The following CECR2 variants were observed in gnomAD, a reference collection of about 807,000 sequenced individuals.
CECR2 encodes chromatin remodeling regulator CECR2.
A neutral mutation model predicts 154.5 loss-of-function variants in CECR2; 30 were observed. The ratio of observed to expected loss-of-function variants is 0.19; its 90% confidence interval spans 0.15 to 0.26. The LOEUF (loss-of-function observed/expected upper bound fraction) is 0.26. Among genes scored for constraint, CECR2 ranks in the 10% least tolerant of loss-of-function variants. The probability of loss-of-function intolerance (pLI) is 1.00; values close to 1 mark genes in which losing one functional copy is unlikely to be tolerated. For missense variants in CECR2, 1,743 were observed against 1,829.3 expected (o/e 0.95, Z 0.86); for synonymous variants, 725 against 683.7 (o/e 1.06, Z -0.94).
intron 3 of CECR2, among the ~76,000 whole-genome samples, chr22:17,498,163 G>A (rs544193662): frequency 6.6e-6 from 1 of 152,296 alleles, no homozygotes; most frequent in Admixed American, 6.5e-5. Context: ...GGCCAAGGCA[G>A]GCAGATCACG....
chr22:17,537,270 T>C, intron 10 of CECR2, 38 bp downstream of exon 10: 1 of 1,610,320 alleles, frequency 6.2e-7, no homozygotes, highest in Non-Finnish European at 8.5e-7. Flanking sequence ...CAGTAGCAAC[T>C]GGTAGCATTT....
At chr22:17,406,249 G>A (rs1046642885) in intron 1 of CECR2, among the ~76,000 whole-genome samples, 4 of 152,160 alleles carry the variant, frequency 2.6e-5, no homozygotes, top group African/African-American at 9.7e-5. Context: ...GACCGGGCAT[G>A]GTGGCTCACG....
At chr22:17,425,491 A>ACT (rs2054316531) in intron 1 of CECR2, among the ~76,000 whole-genome samples, 1 of 152,218 alleles carries the variant, frequency 6.6e-6, no homozygotes. Flanking sequence ...AGATAACTAA[A>ACT]CTACTATATG....
intron 1 of CECR2, among the ~76,000 whole-genome samples, chr22:17,403,722 C>T (rs776286367): frequency 6.6e-6 from 1 of 152,158 alleles, no homozygotes; most frequent in African/African-American, 2.4e-5. Flanking sequence ...GTATTCTGCT[C>T]ATTTTAAAAT....
chr22:17,469,814 C>T (rs529942483), intron 1 of CECR2, among the ~76,000 whole-genome samples: 4 of 152,346 alleles, frequency 2.6e-5, no homozygotes, highest in East Asian at 3.9e-4. Context: ...TGCATGCCTG[C>T]TGGCATTTCA....
rs1345818564 is a variant in CECR2 at position 17,555,149 on chromosome 22, C to T, written c.*2309C>T. ...TGGTCCTTGAGCAGTTGTGTGCACA[C>T]TCTTCCAGGTAATCCTGTCTCCTCT... On this transcript the variant is annotated 3_prime_UTR_variant, in exon 19 of 19. Transcript: ENST00000262608. 1.3e-5 allele frequency: 2 copies of T among 152,324 alleles called. No homozygotes were observed. Among genetic ancestry groups the T allele is most frequent in the East Asian group, 3.9e-4 (2 of 5,190 alleles). The allele number at this position is 152,324 out of a possible 1,614,324, so 9.4% of individuals were successfully genotyped here.
intron 8 of CECR2, among the ~76,000 whole-genome samples, chr22:17,517,533 A>C (rs569552407): frequency 2.6e-5 from 4 of 152,364 alleles, no homozygotes; most frequent in African/African-American, 9.6e-5. Context: ...AGGCATTACA[A>C]TGAATCCCAC....
chr22:17,555,688 T>C lies in CECR2; in HGVS notation c.*2848T>C, dbSNP rs1250796169. 1 of 152,226 alleles carries C rather than the reference T, an allele frequency of 6.6e-6. No homozygotes were observed. 9.4% of individuals were successfully genotyped at this position (152,226 alleles called of 1,614,324 possible). On this transcript the variant is annotated 3_prime_UTR_variant, in exon 19 of 19. Coordinates refer to ENST00000262608, the MANE Select transcript of CECR2 (RefSeq NM_001290047.2). ...TTCTCCATTAGGAAAATGATGGTTA[T>C]GTGATATGTTATATTTAGGAAGTAG...
intron 2 of CECR2, among the ~76,000 whole-genome samples, chr22:17,478,457 G>A (rs543637076): frequency 2.3e-4 from 34 of 148,186 alleles, no homozygotes; most frequent in African/African-American, 8.2e-4. Flanking sequence ...CCAGGTTCAC[G>A]CCATTCTCCT....
At chr22:17,449,040 G>A (rs1385722891) in intron 1 of CECR2, among the ~76,000 whole-genome samples, 2 of 151,792 alleles carry the variant, frequency 1.3e-5, no homozygotes, top group Non-Finnish European at 2.9e-5. Context: ...TACCATGCCC[G>A]GCTAATTTTT....
chr22:17,382,342 G>C (rs2063208088), intron 1 of CECR2, among the ~76,000 whole-genome samples: 1 of 152,152 alleles, frequency 6.6e-6, no homozygotes, highest in Non-Finnish European at 1.5e-5. Context: ...AAGAAGTCCT[G>C]TATACTAAGT....
At chr22:17,513,244 C>G (rs1202542883) in intron 8 of CECR2, among the ~76,000 whole-genome samples, 1 of 152,156 alleles carries the variant, frequency 6.6e-6, no homozygotes, top group Non-Finnish European at 1.5e-5. Context: ...AGGGACAACA[C>G]TTTTTAACCG....
At chr22:17,550,511 A>G in intron 17 of CECR2, 1 of 153,674 alleles carries the variant, frequency 6.5e-6, no homozygotes, top group Non-Finnish European at 1.5e-5. Context: ...CTATCATTGA[A>G]TGAGAAAACC....
chr22:17,510,380 C>A (rs1210094110), intron 7 of CECR2, among the ~76,000 whole-genome samples: 1 of 151,498 alleles, frequency 6.6e-6, no homozygotes, highest in Admixed American at 6.6e-5. Flanking sequence ...CAAGGTGGTA[C>A]GATTGTTTGA....
At chr22:17,530,228 C>CTGT (rs1000893639) in intron 9 of CECR2, among the ~76,000 whole-genome samples, 3 of 150,276 alleles carry the variant, frequency 2.0e-5, no homozygotes, top group East Asian at 2.0e-4. Flanking sequence ...GTTGTTGCTG[C>CTGT]TGTTGTTGTT....
chr22:17,487,133 G>T (rs746989322), intron 2 of CECR2, among the ~76,000 whole-genome samples: 1 of 152,144 alleles, frequency 6.6e-6, no homozygotes, highest in African/African-American at 2.4e-5. Context: ...TTGATTTGAT[G>T]CTAACACGTT....
intron 2 of CECR2, among the ~76,000 whole-genome samples, chr22:17,496,907 T>G (rs2055639572): frequency 6.6e-6 from 1 of 152,210 alleles, no homozygotes; most frequent in African/African-American, 2.4e-5. Flanking sequence ...TTATCTTCCT[T>G]GATAGTTGAC....
intron 9 of CECR2, among the ~76,000 whole-genome samples, chr22:17,534,290 C>T (rs996929275): frequency 2.6e-5 from 4 of 152,044 alleles, no homozygotes; most frequent in Non-Finnish European, 4.4e-5. Flanking sequence ...CCCAACAGAG[C>T]GAGACCCCTG....
At chr22:17,442,083 G>GT (rs2054592881) in intron 1 of CECR2, among the ~76,000 whole-genome samples, 1 of 152,180 alleles carries the variant, frequency 6.6e-6, no homozygotes, top group South Asian at 2.1e-4. Flanking sequence ...TTGGGAAGCT[G>GT]TTTACATTAT....
Sources: gnomAD v4.1 joint callset for allele counts (sites outside exome capture counted in the v4.1 genomes callset) on GRCh38, gnomAD v4.1.1 for gene constraint, MANE v1.5 for transcripts, NCBI Gene and HGNC (gene_info 2026-07-23, HGNC 2026-07-21) for gene names.